Variants in PLCH1 observed in about 807,000 individuals in gnomAD.
PLCH1 encodes 1-phosphatidylinositol 4,5-bisphosphate phosphodiesterase eta-1.
In PLCH1, 60 loss-of-function variants were observed where a neutral mutation model predicts 126.7. The ratio of observed to expected loss-of-function variants is 0.47; its 90% CI spans 0.38 to 0.59. The LOEUF is 0.59. Among genes scored for constraint, PLCH1 ranks in the 20% least tolerant of loss-of-function variants. The probability of loss-of-function intolerance (pLI) is 0.00; values close to 1 mark genes in which losing one functional copy is unlikely to be tolerated. For synonymous variants in PLCH1, 719 were observed against 734.9 expected, an observed-to-expected ratio of 0.98 and a Z score of 0.35; for missense variants, 1,723 against 2,040.0, an observed-to-expected ratio of 0.84 and a Z score of 2.99.
intron 6 of PLCH1, among the ~76,000 whole-genome samples, chr3:155,572,014 T>G (rs890412844): frequency 1.3e-5 from 2 of 152,244 alleles, no homozygotes; most frequent in African/African-American, 4.8e-5. Context: ...TTTGGTTAAC[T>G]TTTAATGTAC....
chr3:155,727,743 G>A (rs998157607), intron 1 of PLCH1, among the ~76,000 whole-genome samples: 1 of 151,884 alleles, frequency 6.6e-6, no homozygotes, highest in Non-Finnish European at 1.5e-5. Flanking sequence ...TGACTTCATA[G>A]GTATTGTAAA....
chr3:155,660,851 A>T (rs1742050637), intron 2 of PLCH1, among the ~76,000 whole-genome samples: 1 of 152,234 alleles, frequency 6.6e-6, no homozygotes, highest in Admixed American at 6.5e-5. Context: ...TGACTCCCCT[A>T]GAGTGACTTC....
At chr3:155,504,651 AC>A in intron 12 of PLCH1, 25 bp from the exon 13 acceptor site, 1 of 1,444,862 alleles carries the variant, frequency 6.9e-7, no homozygotes. Flanking sequence ...GCATAATATA[AC>A]TATTTATCTT....
chr3:155,692,613 TG>T (rs1453972786), intron 2 of PLCH1, among the ~76,000 whole-genome samples: 2 of 152,122 alleles, frequency 1.3e-5, no homozygotes, highest in Non-Finnish European at 2.9e-5. Flanking sequence ...AGCAACATCT[TG>T]TTCCGTACTG....
At chr3:155,527,786 G>A (rs1397661104) in intron 10 of PLCH1, among the ~76,000 whole-genome samples, 1 of 151,942 alleles carries the variant, frequency 6.6e-6, no homozygotes, top group African/African-American at 2.4e-5. Context: ...CAGGCGTGGT[G>A]GTAAGCACTT....
chr3:155,668,823 C>T (rs554234256), intron 2 of PLCH1, among the ~76,000 whole-genome samples: 4 of 152,142 alleles, frequency 2.6e-5, no homozygotes, highest in Non-Finnish European at 5.9e-5. Context: ...GCCCAGGAGA[C>T]AGAGGTTGCA....
At chr3:155,483,944 T>C (rs1714589506) in intron 22 of PLCH1, among the ~76,000 whole-genome samples, 1 of 152,052 alleles carries the variant, frequency 6.6e-6, no homozygotes, top group African/African-American at 2.4e-5. Flanking sequence ...ATTAAATAGT[T>C]TCCAAACTAA....
intron 10 of PLCH1, among the ~76,000 whole-genome samples, chr3:155,534,838 T>C (rs1220711465): frequency 6.6e-6 from 1 of 152,202 alleles, no homozygotes; most frequent in Non-Finnish European, 1.5e-5. Flanking sequence ...TTCACCCTTC[T>C]CTCTCCTGCC....
chr3:155,583,883 A>G (rs1731025873), intron 5 of PLCH1, among the ~76,000 whole-genome samples: 1 of 151,678 alleles, frequency 6.6e-6, no homozygotes, highest in Admixed American at 6.6e-5. Flanking sequence ...TGTTCTGACC[A>G]CTGTAAATTT....
chr3:155,682,179 A>G (rs140352519), intron 2 of PLCH1, among the ~76,000 whole-genome samples: 32 of 152,322 alleles, frequency 2.1e-4, no homozygotes, highest in East Asian at 1.5e-3. Flanking sequence ...AATGGACTCA[A>G]CTCACTAAAG....
At chr3:155,685,990 C>G (rs1198801286) in intron 2 of PLCH1, among the ~76,000 whole-genome samples, 1 of 152,130 alleles carries the variant, frequency 6.6e-6, no homozygotes, top group Non-Finnish European at 1.5e-5. Flanking sequence ...GAAAAAACAT[C>G]TTTCAGAAAC....
chr3:155,581,214 T>G (rs1482221823), intron 6 of PLCH1, among the ~76,000 whole-genome samples: 1 of 152,222 alleles, frequency 6.6e-6, no homozygotes, highest in African/African-American at 2.4e-5. Flanking sequence ...AATTTTATCC[T>G]GGTTCACATA....
chr3:155,470,471 G>A (rs992189061), intron 21 of PLCH1, among the ~76,000 whole-genome samples: 3 of 152,066 alleles, frequency 2.0e-5, no homozygotes, highest in African/African-American at 7.2e-5. Flanking sequence ...GAAAGTGATG[G>A]GGAGAATGGA....
At chr3:155,524,092 A>T in intron 10 of PLCH1, 88 bp from the exon 11 acceptor site, 1 of 804,546 alleles carries the variant, frequency 1.2e-6, no homozygotes, top group Admixed American at 2.1e-5. Flanking sequence ...CCATTGATGG[A>T]TGAGAGGATA....
chr3:155,548,181 A>C lies in PLCH1; in HGVS notation c.1362+1606T>G, dbSNP rs561354369. On this transcript the variant is annotated intron_variant, in intron 10 of 22. Coordinates refer to ENST00000460012, the MANE Select transcript of PLCH1 (RefSeq NM_014996.4). The stretch of plus-strand genomic sequence containing the variant: ...AATAATAAACAACTTGTCAATCTCC[A>C]AAGTGGTAAGTAGTCATAGACATCC... Among the ~76,000 whole-genome samples, 4 of 152,332 alleles carry C rather than the reference A, an allele frequency of 2.6e-5. No individual in the cohort carries two copies. In the South Asian group the frequency reaches 8.3e-4, roughly 32 times the overall value.
At chr3:155,717,162 G>A (rs1182428408) in intron 1 of PLCH1, among the ~76,000 whole-genome samples, 5 of 152,262 alleles carry the variant, frequency 3.3e-5, no homozygotes, top group Non-Finnish European at 7.3e-5. Flanking sequence ...TGCAAGAAGT[G>A]GGCTCCCAAG....
chr3:155,471,424 A>G (rs1236441070), intron 21 of PLCH1, among the ~76,000 whole-genome samples: 1 of 150,518 alleles, frequency 6.6e-6, no homozygotes, highest in African/African-American at 2.4e-5. Context: ...CAGATTCATA[A>G]AGCAAGTCCT....
intron 22 of PLCH1, among the ~76,000 whole-genome samples, chr3:155,484,413 A>G (rs1159813851): frequency 6.6e-6 from 1 of 152,240 alleles, no homozygotes; most frequent in African/African-American, 2.4e-5. Flanking sequence ...CAAATAAACC[A>G]CTGAAGAATA....
intron 2 of PLCH1, among the ~76,000 whole-genome samples, chr3:155,700,371 T>C (rs902948550): frequency 6.6e-6 from 1 of 152,212 alleles, no homozygotes; most frequent in African/African-American, 2.4e-5. Context: ...AGGCAACTTC[T>C]TGAAAAGGCA....
Sources: allele counts gnomAD v4.1 joint callset (sites outside exome capture counted in the v4.1 genomes callset), GRCh38; gene constraint gnomAD v4.1.1; transcripts MANE v1.5; gene names NCBI Gene and HGNC (gene_info 2026-07-23, HGNC 2026-07-21).